Variants in L3MBTL3 observed in about 807,000 individuals in gnomAD.
L3MBTL3 encodes L3MBTL histone methyl-lysine binding protein 3.
L3MBTL3 carries 27 observed loss-of-function variants against 102.3 expected under a neutral mutation model. The observed-to-expected ratio is 0.26, with a 90% confidence interval of 0.19 to 0.36. The LOEUF (loss-of-function observed/expected upper bound fraction) is 0.36, where lower values mean the gene tolerates loss of function less well. L3MBTL3 is among the 10% of genes least tolerant of loss of function. The pLI is 1.00. For synonymous variants in L3MBTL3, 340 were observed against 320.9 expected, an observed-to-expected ratio of 1.06 and a Z score of -0.64; for missense variants, 798 against 955.3, an observed-to-expected ratio of 0.84 and a Z score of 2.17.
Position 130,139,829 on chromosome 6 carries a change from A to G in L3MBTL3, c.*76A>G. The G allele has an allele frequency of 1.4e-6, 2 of 1,403,080 alleles. No individual in the cohort carries two copies. Among genetic ancestry groups the G allele is most frequent in the Admixed American group, 1.8e-5 (1 of 54,618 alleles). 86.9% of individuals were successfully genotyped at this position (1,403,080 alleles called of 1,614,324 possible). ...TATTCAAAGCACAAGGACGGTTATA[A>G]CTCCTAAGTGAGAAGTCTCCAAAAC... On this transcript the variant is annotated 3_prime_UTR_variant, in exon 23 of 23. Coordinates refer to ENST00000361794, the MANE Select transcript of L3MBTL3 (RefSeq NM_032438.4).
chr6:130,066,459 A>C lies in L3MBTL3; in HGVS notation c.971A>C (p.Lys324Thr). ...ATCCACCCAGTTGGGTGGTGTGAGA[A>C]AACCGGCCACAAACTCCATCCTCCA... ...LDIHPVGWCEKTGHKLHPPKG... is the reference protein window; with the variant it reads ...LDIHPVGWCETTGHKLHPPKG... The change falls in exon 11 of 23, where the codon AAA becomes ACA. Residue 324 changes from lysine to threonine, a missense_variant. Lys to Thr is a moderately conservative substitution (Grantham distance 78, BLOSUM62 -1). This residue lies in a region of L3MBTL3 where 434 missense variants were observed against 506.6 expected (regional missense o/e 0.86). Coordinates refer to ENST00000361794, the MANE Select transcript of L3MBTL3 (RefSeq NM_032438.4). 6.2e-7 allele frequency: 1 copy of C among 1,610,882 alleles called. No homozygotes were observed. Among genetic ancestry groups the C allele is most frequent in the Non-Finnish European group, 8.5e-7 (1 of 1,178,800 alleles).
chr6:130,036,393 G>A (rs1220997573), intron 2 of L3MBTL3, among the ~76,000 whole-genome samples: 2 of 152,158 alleles, frequency 1.3e-5, no homozygotes, highest in African/African-American at 2.4e-5. Context: ...CTATAATATT[G>A]TATTCAGAAT....
intron 1 of L3MBTL3, among the ~76,000 whole-genome samples, 163 bp from the exon 2 acceptor site, chr6:130,022,064 C>T (rs1423459348): frequency 6.6e-6 from 1 of 152,176 alleles, no homozygotes; most frequent in Admixed American, 6.5e-5. Flanking sequence ...TTCAACTCAT[C>T]TAGAACCAGC....
chr6:130,067,895 G>T (rs1378294506), intron 11 of L3MBTL3, among the ~76,000 whole-genome samples: 1 of 152,058 alleles, frequency 6.6e-6, no homozygotes, highest in Admixed American at 6.5e-5. Flanking sequence ...AGGCCAAAAA[G>T]ATTTTACCTG....
At chr6:130,074,850 A>C (rs1782852854) in intron 13 of L3MBTL3, among the ~76,000 whole-genome samples, 1 of 152,192 alleles carries the variant, frequency 6.6e-6, no homozygotes, top group Admixed American at 6.5e-5. Flanking sequence ...ATCTGTGAAA[A>C]AGAAAAGGGT....
intron 16 of L3MBTL3, among the ~76,000 whole-genome samples, chr6:130,089,295 C>T (rs1236980644): frequency 6.6e-6 from 1 of 151,450 alleles, no homozygotes; most frequent in Non-Finnish European, 1.5e-5. Context: ...CAGTTCCCGC[C>T]TATGAGTTAG....
chr6:130,053,884 A>G (rs1781276600), intron 7 of L3MBTL3, among the ~76,000 whole-genome samples: 1 of 152,236 alleles, frequency 6.6e-6, no homozygotes, highest in Admixed American at 6.5e-5. Context: ...GATGCATAAG[A>G]CAAATAGATG....
rs1785095972 is a variant in L3MBTL3 at position 130,108,062 on chromosome 6, C to T, written c.1886+3487C>T. On this transcript the variant is annotated intron_variant, in intron 19 of 22. Transcript: ENST00000361794. ...GGCACTGCTTGGATTTAAATCTCGG[C>T]TTCCCTACTTGCTAGGTTTATGATC... Among the ~76,000 whole-genome samples, 4 of 152,226 alleles carry T rather than the reference C, an allele frequency of 2.6e-5. No individual in the cohort carries two copies. The South Asian group carries it at 8.3e-4, about 32-fold the overall frequency.
At chr6:130,070,267 A>G (rs1283863643) in intron 12 of L3MBTL3, among the ~76,000 whole-genome samples, 7 of 152,160 alleles carry the variant, frequency 4.6e-5, no homozygotes, top group African/African-American at 1.4e-4. Flanking sequence ...TTTATATATT[A>G]CTGTACCTTA....
Position 130,083,674 on chromosome 6 carries a change from CT to C in L3MBTL3, c.1379del (p.Leu460TyrfsTer10). 1.3e-6 allele frequency: 2 copies of C among 1,548,196 alleles called. No homozygotes were observed. Among genetic ancestry groups the C allele is most frequent in the Non-Finnish European group, 1.7e-6 (2 of 1,145,578 alleles). ...GATAAATACTTAGAAGAAACCAATT[CT>C]TTACCTGCTCCTGCAAGAGCTTTCA... The part of the protein sequence containing the change: ...SWDKYLEETN[S>X]LPAPARAFKV... On this transcript the variant is annotated frameshift_variant, in exon 15 of 23. Transcript: ENST00000361794. LOFTEE classifies it high-confidence loss of function.
intron 3 of L3MBTL3, among the ~76,000 whole-genome samples, chr6:130,047,789 A>G (rs1780819676): frequency 6.6e-6 from 1 of 152,124 alleles, no homozygotes. Context: ...TTATTTTGAA[A>G]TATTCTGTCT....
chr6:130,108,220 GTTTTTTTTTTGTTTTTTTT>G, intron 19 of L3MBTL3, among the ~76,000 whole-genome samples: 2 of 118,724 alleles, frequency 1.7e-5, no homozygotes, highest in Admixed American at 9.6e-5. Flanking sequence ...ATGTTAGGTG[GTTTTTTTTTTGTTTTTTTT>G]TTTTTTTTTT....
At chr6:130,019,911 T>G (rs1778839897) in intron 1 of L3MBTL3, among the ~76,000 whole-genome samples, 1 of 134,634 alleles carries the variant, frequency 7.4e-6, no homozygotes. Flanking sequence ...CGTCGCGGCG[T>G]TCGCCCCGCG....
At chr6:130,109,183 T>G (rs925371640) in intron 19 of L3MBTL3, among the ~76,000 whole-genome samples, 10 of 152,212 alleles carry the variant, frequency 6.6e-5, no homozygotes, top group Admixed American at 1.3e-4. Context: ...TCATGTGTCT[T>G]TATAGTAGCA....
At chr6:130,100,083 T>C (rs567962271) in intron 18 of L3MBTL3, among the ~76,000 whole-genome samples, 1 of 152,194 alleles carries the variant, frequency 6.6e-6, no homozygotes, top group Non-Finnish European at 1.5e-5. Context: ...CCTAATGTAA[T>C]TCCATCAGGA....
intron 20 of L3MBTL3, among the ~76,000 whole-genome samples, chr6:130,126,850 A>T (rs949870467): frequency 1.3e-5 from 2 of 152,196 alleles, no homozygotes; most frequent in African/African-American, 4.8e-5. Context: ...ATTAATGTGC[A>T]TAAACGTGGG....
chr6:130,059,255 A>T (rs1781734083), intron 9 of L3MBTL3, among the ~76,000 whole-genome samples: 1 of 152,194 alleles, frequency 6.6e-6, no homozygotes, highest in Non-Finnish European at 1.5e-5. Context: ...CTTCCTGGAA[A>T]ATTATATGTT....
intron 9 of L3MBTL3, among the ~76,000 whole-genome samples, chr6:130,058,115 A>G (rs981183714): frequency 2.1e-5 from 3 of 140,830 alleles, no homozygotes; most frequent in Non-Finnish European, 4.5e-5. Context: ...TGCAGTCCGC[A>G]GTCCGGCCTG....
intron 2 of L3MBTL3, among the ~76,000 whole-genome samples, chr6:130,024,651 G>A (rs759693274): frequency 3.3e-5 from 5 of 152,108 alleles, no homozygotes; most frequent in South Asian, 2.1e-4. Context: ...GGGATGTACC[G>A]TTGGCATCCC....
Sources: gnomAD v4.1 joint callset for allele counts (sites outside exome capture counted in the v4.1 genomes callset) on GRCh38, gnomAD v4.1.1 for gene constraint, gnomAD v4.1.1 regional missense constraint, MANE v1.5 for transcripts, NCBI Gene and HGNC (gene_info 2026-07-23, HGNC 2026-07-21) for gene names.